The following RYR3 variants were observed in gnomAD, a reference collection of about 807,000 sequenced individuals.
RYR3 encodes brain ryanodine receptor-calcium release channel.
A neutral mutation model predicts 584.3 loss-of-function variants in RYR3; 207 were observed. The ratio of observed to expected loss-of-function variants is 0.35; its 90% CI spans 0.32 to 0.40. RYR3 has a LOEUF of 0.40. Ranked by LOEUF, RYR3 falls within the 10% of genes least tolerant of loss-of-function variation. The pLI, the probability that RYR3 is intolerant of heterozygous loss-of-function variation, is 1.00. For missense variants in RYR3, 5,616 were observed against 6,089.2 expected (o/e 0.92, Z 2.59); for synonymous variants, 2,416 against 2,248.5 (o/e 1.07, Z -2.11).
chr15:33,565,435 G>T lies in RYR3; in HGVS notation c.1147-1243G>T, dbSNP rs1047983799. 5.3e-5 allele frequency among the ~76,000 whole-genome samples: 8 copies of T among 152,148 alleles called. 1 individual carries two copies. Among genetic ancestry groups the T allele is most frequent in the Admixed American group, 4.6e-4 (7 of 15,278 alleles). ...GGATGCAAAGTCTTGTTTCAAAAAT[G>T]AACAAGCCGGTATTCTATTTCATCA... On this transcript the variant is annotated intron_variant, in intron 11 of 103. Transcript: ENST00000634891.
At chr15:33,719,515 CAG>C (rs1372874342) in intron 43 of RYR3, among the ~76,000 whole-genome samples, 1 of 152,184 alleles carries the variant, frequency 6.6e-6, no homozygotes, top group Non-Finnish European at 1.5e-5. Context: ...GCTTGATTAA[CAG>C]AGTTGGGTTT....
At chr15:33,343,598 A>G (rs369331678) in intron 1 of RYR3, among the ~76,000 whole-genome samples, 2 of 152,258 alleles carry the variant, frequency 1.3e-5, no homozygotes, top group African/African-American at 4.8e-5. Context: ...CCTATTTTTT[A>G]CTGTGTCATG....
In RYR3 at chr15:33,773,575, C is replaced by T. The variant is rs1346306793; in HGVS notation, c.9097C>T (p.Leu3033Phe). The change falls in exon 64 of 104, where the codon CTC becomes TTC. Residue 3033 changes from leucine (L) to phenylalanine (F), a missense_variant. Physicochemically the swap from Leu to Phe is conservative, Grantham distance 22 (BLOSUM62 0). Transcript: ENST00000634891. ...TTCATGCTACCACATACTGTGCAGCCTCTACTCCCTTGGGACGGGAAAGAA... is the reference window on the plus strand; with the variant it reads ...TTCATGCTACCACATACTGTGCAGCTTCTACTCCCTTGGGACGGGAAAGAA... Reference protein sequence around the residue: ...QISCYHILCSLYSLGTGKNIY... With the variant: ...QISCYHILCSFYSLGTGKNIY... The T allele has an allele frequency of 8.7e-6, 14 of 1,609,636 alleles. No individual in the cohort carries two copies. The highest frequency in any genetic ancestry group is 1.2e-5 in the Non-Finnish European group (14 of 1,177,936).
intron 93 of RYR3, among the ~76,000 whole-genome samples, chr15:33,845,744 T>G (rs916440962): frequency 5.3e-5 from 8 of 152,204 alleles, no homozygotes; most frequent in Non-Finnish European, 1.0e-4. Flanking sequence ...ATCTTTGAAT[T>G]GATGTCAAAA....
At chr15:33,694,834 A>G (rs553954907) in intron 38 of RYR3, among the ~76,000 whole-genome samples, 11 of 152,298 alleles carry the variant, frequency 7.2e-5, no homozygotes, top group African/African-American at 2.6e-4. Flanking sequence ...TTCTCAGTTT[A>G]TGTGTCCCAT....
At chr15:33,596,105 T>A (rs1444178619) in intron 16 of RYR3, among the ~76,000 whole-genome samples, 1 of 151,902 alleles carries the variant, frequency 6.6e-6, no homozygotes, top group Non-Finnish European at 1.5e-5. Context: ...TTTTTATAAC[T>A]TTCTTTACGT....
chr15:33,344,894 C>A (rs79782514), intron 1 of RYR3, among the ~76,000 whole-genome samples: 3,423 of 152,210 alleles, frequency 0.022, 53 homozygotes, highest in Non-Finnish European at 0.035. Flanking sequence ...AGAGGGTTAG[C>A]AGAAGTTCTG....
Position 33,662,861 on chromosome 15 carries a change from G to T in RYR3, c.5331G>T (p.Lys1777Asn). The T allele has an allele frequency of 6.2e-7, 1 of 1,613,828 alleles. No homozygotes were observed. The highest frequency in any genetic ancestry group is 8.5e-7 in the Non-Finnish European group (1 of 1,179,886). ...AGGAAGTGACCCAGGTGGAGGAGAAGGCTGTGGAGGCTGGGGAGAAGGCCG... is the reference window on the plus strand; with the variant it reads ...AGGAAGTGACCCAGGTGGAGGAGAATGCTGTGGAGGCTGGGGAGAAGGCCG... ...EKEEVTQVEE[K>N]AVEAGEKAGK... Residue 1777 changes from lysine (K) to asparagine (N), a missense_variant, in exon 35 of 104, where the codon AAG becomes AAT. Coordinates refer to ENST00000634891, the MANE Select transcript of RYR3 (RefSeq NM_001036.6).
At chr15:33,459,465 T>C (rs2047839617) in intron 1 of RYR3, among the ~76,000 whole-genome samples, 1 of 152,002 alleles carries the variant, frequency 6.6e-6, no homozygotes, top group Non-Finnish European at 1.5e-5. Context: ...GGAGACCAAA[T>C]AGTCAAACCC....
At chr15:33,571,828 C>G (rs1428366945) in intron 12 of RYR3, among the ~76,000 whole-genome samples, 2 of 152,082 alleles carry the variant, frequency 1.3e-5, no homozygotes, top group African/African-American at 4.8e-5. Flanking sequence ...ATGTCTGCCA[C>G]TTTGCTATTT....
At chr15:33,702,380 G>A (rs1269211138) in intron 42 of RYR3, among the ~76,000 whole-genome samples, 1 of 152,228 alleles carries the variant, frequency 6.6e-6, no homozygotes, top group Non-Finnish European at 1.5e-5. Flanking sequence ...AGTAATCAAA[G>A]CCCAAGACTG....
chr15:33,707,166 T>G, intron 43 of RYR3, 112 bp downstream of exon 43: 4 of 1,275,456 alleles, frequency 3.1e-6, no homozygotes, highest in Non-Finnish European at 4.3e-6. Flanking sequence ...AGGGGGTTGG[T>G]GGCTGGCAAG....
At chr15:33,404,028 A>G (rs1281649623) in intron 1 of RYR3, among the ~76,000 whole-genome samples, 1 of 152,228 alleles carries the variant, frequency 6.6e-6, no homozygotes, top group Non-Finnish European at 1.5e-5. Context: ...CATCTTGCTT[A>G]TAATAGCAAG....
At chr15:33,688,893 A>G (rs868814407) in intron 38 of RYR3, among the ~76,000 whole-genome samples, 69 of 152,342 alleles carry the variant, frequency 4.5e-4, no homozygotes, top group Middle Eastern at 3.4e-3. Flanking sequence ...CCAAAGGATT[A>G]TAAGTCATGC....
In RYR3 at chr15:33,731,601, C is replaced by G. The variant is rs777081999; in HGVS notation, c.7331C>G (p.Ser2444Cys). Residue 2444 changes from serine (S) to cysteine (C), a missense_variant, in exon 48 of 104, where the codon TCC becomes TGC. By Grantham distance (112) the Ser-to-Cys change is moderately radical. Transcript: ENST00000634891. ...GTEHCTSLID[S>C]TLQTIYRLSK... is the part of the protein sequence containing the mutation. ...GAACACTGCACCTCTCTGATTGATT[C>G]CACACTGCAGACAATATACAGGCTA... 1.2e-6 allele frequency: 2 copies of G among 1,613,642 alleles called. No homozygotes were observed. The highest frequency in any genetic ancestry group is 1.7e-6 in the Non-Finnish European group (2 of 1,179,554).
At chr15:33,863,961 G>A (rs560358804) in intron 102 of RYR3, among the ~76,000 whole-genome samples, 177 bp from the exon 103 acceptor site, 12 of 152,300 alleles carry the variant, frequency 7.9e-5, no homozygotes, top group African/African-American at 2.9e-4. Context: ...TGAGATTCAT[G>A]TGTGCTACTA....
chr15:33,684,875 C>T (rs1222820229), intron 38 of RYR3, among the ~76,000 whole-genome samples: 2 of 152,112 alleles, frequency 1.3e-5, no homozygotes, highest in Non-Finnish European at 2.9e-5. Context: ...AAACAAAATC[C>T]TTTATAGACA....
At chr15:33,787,340 A>C (rs1361863537) in intron 66 of RYR3, among the ~76,000 whole-genome samples, 1 of 152,176 alleles carries the variant, frequency 6.6e-6, no homozygotes, top group Non-Finnish European at 1.5e-5. Context: ...TCTCTTTCTA[A>C]AAGTATCTGT....
intron 1 of RYR3, among the ~76,000 whole-genome samples, chr15:33,405,334 T>C (rs1376304523): frequency 2.0e-5 from 3 of 152,180 alleles, no homozygotes; most frequent in Admixed American, 1.3e-4. Flanking sequence ...TGGGGTGAGA[T>C]GTGACCTTAT....
Sources: allele counts gnomAD v4.1 joint callset (sites outside exome capture counted in the v4.1 genomes callset), GRCh38; gene constraint gnomAD v4.1.1; transcripts MANE v1.5; gene names NCBI Gene and HGNC (gene_info 2026-07-23, HGNC 2026-07-21).